Variants in ITGA4 observed in about 807,000 individuals in gnomAD.
The protein encoded by ITGA4 is integrin subunit alpha 4.
In ITGA4, 63 loss-of-function variants were observed where a neutral mutation model predicts 133.6. That is an observed-to-expected ratio of 0.47 (90% CI 0.38 to 0.58). The LOEUF is 0.58. ITGA4 is among the 20% of genes least tolerant of loss of function. ITGA4 has a pLI of 0.00. For synonymous variants in ITGA4, 483 were observed against 438.0 expected (o/e 1.10, Z -1.28); for missense variants, 1,076 against 1,252.7 (o/e 0.86, Z 2.13).
At chr2:181,485,403 AT>A (rs5836791) in intron 9 of ITGA4, among the ~76,000 whole-genome samples, 141 of 148,768 alleles carry the variant, frequency 9.5e-4, no homozygotes, top group Middle Eastern at 3.4e-3. Flanking sequence ...TTATAATTAG[AT>A]TTTTTTTTTT....
chr2:181,514,482 A>T (rs531243226), intron 17 of ITGA4, among the ~76,000 whole-genome samples: 1 of 152,170 alleles, frequency 6.6e-6, no homozygotes, highest in African/African-American at 2.4e-5. Flanking sequence ...GATTAACTGT[A>T]ATCCAGAAAC....
chr2:181,467,247 G>A (rs150124759), intron 2 of ITGA4, among the ~76,000 whole-genome samples: 2 of 152,152 alleles, frequency 1.3e-5, no homozygotes, highest in African/African-American at 4.8e-5. Flanking sequence ...ACAGTTGGTG[G>A]AAGGTAAGGG....
intron 22 of ITGA4, 171 bp downstream of exon 22, chr2:181,527,558 C>T: frequency 1.9e-6 from 1 of 533,402 alleles, no homozygotes; most frequent in Non-Finnish European, 3.4e-6. Context: ...CTGCTGCTTT[C>T]CTTCCACTTG....
chr2:181,530,560 A>G lies in ITGA4; in HGVS notation c.2575A>G (p.Arg859Gly), dbSNP rs200692791. 6.2e-7 allele frequency: 1 copy of G among 1,613,260 alleles called. No homozygotes were observed. Among genetic ancestry groups the G allele is most frequent in the South Asian group, 1.1e-5 (1 of 91,028 alleles). ...AGAATGCCACTTTGAAAATTATCAA[A>G]GAGTGTGTGCATTAGAGCAGCAAAA... The part of the protein sequence containing the change: ...TGECHFENYQ[R>G]VCALEQQKSA... The change falls in exon 24 of 28, where the codon AGA becomes GGA. Residue 859 changes from arginine (R) to glycine (G), a missense_variant. Around this residue, in one of 4 missense-constraint regions of ITGA4, gnomAD observed 365 missense variants for 421.4 expected, o/e 0.87. Transcript: ENST00000397033.
At chr2:181,534,759 G>A (rs7601843) in intron 26 of ITGA4, 57 bp from the exon 27 acceptor site, 6 of 1,424,396 alleles carry the variant, frequency 4.2e-6, no homozygotes, top group East Asian at 4.8e-5. Flanking sequence ...TATAAGCAAC[G>A]TTTTAAACTG....
chr2:181,521,041 GAC>G (rs1248918263), intron 17 of ITGA4, among the ~76,000 whole-genome samples: 1 of 151,918 alleles, frequency 6.6e-6, no homozygotes, highest in Non-Finnish European at 1.5e-5. Flanking sequence ...TGATTTGAAT[GAC>G]ACAATTTAAA....
intron 21 of ITGA4, among the ~76,000 whole-genome samples, chr2:181,526,394 T>G (rs1438060429): frequency 6.6e-6 from 1 of 152,212 alleles, no homozygotes; most frequent in Non-Finnish European, 1.5e-5. Flanking sequence ...TAATATTAGC[T>G]GCCAAATGTG....
intron 10 of ITGA4, among the ~76,000 whole-genome samples, chr2:181,491,071 A>G (rs1301434837): frequency 6.6e-6 from 1 of 152,248 alleles, no homozygotes; most frequent in Non-Finnish European, 1.5e-5. Flanking sequence ...AGCGTAATCC[A>G]GGAAGAGTCT....
chr2:181,511,079 C>T (rs1001651583), intron 16 of ITGA4, among the ~76,000 whole-genome samples: 4 of 152,010 alleles, frequency 2.6e-5, no homozygotes, highest in Admixed American at 2.6e-4. Context: ...TACCTGTTCC[C>T]GTTACCTTCC....
intron 15 of ITGA4, among the ~76,000 whole-genome samples, chr2:181,502,426 G>A (rs183915252): frequency 7.4e-4 from 113 of 152,162 alleles, no homozygotes; most frequent in African/African-American, 2.7e-3. Flanking sequence ...GCAATAGAGT[G>A]AAAAACTTGG....
chr2:181,490,953 T>TTATATAA (rs1374625092), intron 10 of ITGA4, among the ~76,000 whole-genome samples: 1 of 152,208 alleles, frequency 6.6e-6, no homozygotes. Flanking sequence ...GTATATTGTG[T>TTATATAA]CCCAAATTAA....
In ITGA4 at chr2:181,531,640, TTTATA is replaced by T; in HGVS notation, c.2665-14_2665-10del. 6.7e-7 allele frequency: 1 copy of T among 1,502,372 alleles called. No homozygotes were observed. The highest frequency in any genetic ancestry group is 9.0e-7 in the Non-Finnish European group (1 of 1,111,388). 93.1% of individuals were successfully genotyped at this position (1,502,372 alleles called of 1,614,324 possible). ...ATGTTGAAAATTTTAATGTAGCACTTTTATATTCCCTTCAAGTACTGCATAAAAGC... is the reference window on the plus strand; with the variant it reads ...ATGTTGAAAATTTTAATGTAGCACTTTTCCCTTCAAGTACTGCATAAAAGC... On this transcript the variant is annotated splice_polypyrimidine_tract_variant and intron_variant, in intron 24 of 27. Coordinates refer to ENST00000397033, the MANE Select transcript of ITGA4 (RefSeq NM_000885.6).
At chr2:181,517,315 G>A (rs1686625758) in intron 17 of ITGA4, among the ~76,000 whole-genome samples, 1 of 151,942 alleles carries the variant, frequency 6.6e-6, no homozygotes, top group South Asian at 2.1e-4. Context: ...GGGAGACAGG[G>A]TGAATTCATT....
chr2:181,526,893 G>A (rs1686844144), intron 21 of ITGA4, among the ~76,000 whole-genome samples: 1 of 134,434 alleles, frequency 7.4e-6, no homozygotes, highest in Non-Finnish European at 1.5e-5. Flanking sequence ...GGGCAGCGGT[G>A]TGACCTCAGC....
chr2:181,490,936 A>G (rs1240773738), intron 10 of ITGA4, among the ~76,000 whole-genome samples: 1 of 152,218 alleles, frequency 6.6e-6, no homozygotes, highest in Non-Finnish European at 1.5e-5. Context: ...TTAAATACCT[A>G]TGTTCTGTAT....
At chr2:181,526,820 C>CT (rs1559056789) in intron 21 of ITGA4, among the ~76,000 whole-genome samples, 1 of 27,852 alleles carries the variant, frequency 3.6e-5, no homozygotes, top group Non-Finnish European at 1.1e-4. Flanking sequence ...GAGCACATGG[C>CT]CTTTTTTTTT....
At chr2:181,490,406 T>G (rs1574392841) in intron 10 of ITGA4, among the ~76,000 whole-genome samples, 2 of 151,898 alleles carry the variant, frequency 1.3e-5, no homozygotes, top group East Asian at 3.9e-4. Context: ...TTTAAGATAA[T>G]GACATCCCCC....
chr2:181,488,815 C>T (rs1235970723), intron 10 of ITGA4, among the ~76,000 whole-genome samples: 2 of 152,120 alleles, frequency 1.3e-5, no homozygotes, highest in Non-Finnish European at 2.9e-5. Flanking sequence ...GCCTTGGCCT[C>T]CAAAAATGCT....
At position 181,534,269 on chromosome 2, in the gene ITGA4, C is replaced by T; in HGVS notation, c.2785-3C>T. 1.9e-6 allele frequency: 3 copies of T among 1,567,264 alleles called. No homozygotes were observed. Among genetic ancestry groups the T allele is most frequent in the Non-Finnish European group, 2.6e-6 (3 of 1,138,208 alleles). On this transcript the variant is annotated splice_region_variant and splice_polypyrimidine_tract_variant and intron_variant, in intron 25 of 27. Transcript: ENST00000397033. ...CTATGGTGATCCTTCTTTTATTAAACAGGATGAGACTTCAGCACTCAAGTT... is the reference window on the plus strand; with the variant it reads ...CTATGGTGATCCTTCTTTTATTAAATAGGATGAGACTTCAGCACTCAAGTT...
Sources: allele counts gnomAD v4.1 joint callset (sites outside exome capture counted in the v4.1 genomes callset), GRCh38; gene constraint gnomAD v4.1.1; regional missense constraint gnomAD v4.1.1; transcripts MANE v1.5; gene names NCBI Gene and HGNC (gene_info 2026-07-23, HGNC 2026-07-21).